Variants in ARHGAP6 observed in about 807,000 individuals in gnomAD.
ARHGAP6 encodes the protein rho GTPase-activating protein 6.
Under a neutral mutation model 55.7 loss-of-function variants are expected in ARHGAP6, and 16 were observed. The observed-to-expected ratio is 0.29, with a 90% CI of 0.19 to 0.44. The LOEUF (loss-of-function observed/expected upper bound fraction) is 0.44, where lower values mean the gene tolerates loss of function less well. Ranked by LOEUF, ARHGAP6 falls within the 20% of genes least tolerant of loss-of-function variation. The pLI is 1.00. For missense variants in ARHGAP6, 698 were observed against 808.9 expected (o/e 0.86, Z 1.66); for synonymous variants, 382 against 360.9 (o/e 1.06, Z -0.66).
intron 5 of ARHGAP6, among the ~76,000 whole-genome samples, chrX:11,182,614 CTTTCTTTTTTTTCCTTT>C (rs1351106249): frequency 1.1e-4 from 11 of 101,727 alleles, no homozygotes; most frequent in Admixed American, 4.2e-4. Context: ...TCTTTTCTTT[CTTTCTTTTTTTTCCTTT>C]TTTCTTTTTT....
intron 2 of ARHGAP6, among the ~76,000 whole-genome samples, chrX:11,241,558 G>A (rs1194367640): frequency 9.6e-6 from 1 of 104,339 alleles, no homozygotes; most frequent in Non-Finnish European, 2.0e-5. Flanking sequence ...GTGTGTGTGT[G>A]TGTGTGTGTG....
intron 1 of ARHGAP6, among the ~76,000 whole-genome samples, chrX:11,569,364 G>A (rs1039504044): frequency 9.0e-6 from 1 of 111,537 alleles, no homozygotes; most frequent in Admixed American, 9.5e-5. Context: ...GATGCTAAAA[G>A]GTTAACATGG....
intron 10 of ARHGAP6, chrX:11,148,501 GC>G: frequency 4.6e-6 from 1 of 217,489 alleles, no homozygotes. Flanking sequence ...ACATGGGTTT[GC>G]CTCCATGCAT....
chrX:11,187,530 A>G (rs758971918), intron 4 of ARHGAP6, among the ~76,000 whole-genome samples: 5 of 112,423 alleles, frequency 4.4e-5, no homozygotes, highest in Non-Finnish European at 9.4e-5. Flanking sequence ...CCATCATGCA[A>G]CTTCAGGAAT....
intron 1 of ARHGAP6, among the ~76,000 whole-genome samples, chrX:11,365,469 A>G (rs1372791000): frequency 8.9e-6 from 1 of 112,569 alleles, no homozygotes; most frequent in Non-Finnish European, 1.9e-5. Flanking sequence ...TAAAAATTCT[A>G]GAGACATAGA....
intron 1 of ARHGAP6, among the ~76,000 whole-genome samples, chrX:11,443,955 A>C (rs1170987275): frequency 1.2e-5 from 1 of 83,853 alleles, no homozygotes; most frequent in African/African-American, 5.0e-5. Context: ...AAAGAAAACC[A>C]AAAAAAAAAA....
intron 1 of ARHGAP6, among the ~76,000 whole-genome samples, chrX:11,391,152 A>G (rs181804284): frequency 2.5e-4 from 28 of 112,002 alleles, no homozygotes; most frequent in African/African-American, 8.8e-4. Flanking sequence ...CGATGAGTTC[A>G]TGTCCTTTGT....
At chrX:11,310,566 C>T (rs979180988) in intron 1 of ARHGAP6, among the ~76,000 whole-genome samples, 1 of 111,941 alleles carries the variant, frequency 8.9e-6, no homozygotes, top group Non-Finnish European at 1.9e-5. Flanking sequence ...GGACATTATA[C>T]TGAGTGAAAA....
intron 2 of ARHGAP6, among the ~76,000 whole-genome samples, chrX:11,215,832 G>A (rs747742545): frequency 1.8e-5 from 2 of 112,566 alleles, no homozygotes; most frequent in South Asian, 3.7e-4. Flanking sequence ...CAGTCAGCCC[G>A]AGGCCCCCAG....
intron 1 of ARHGAP6, among the ~76,000 whole-genome samples, chrX:11,327,356 AC>A (rs1420647819): frequency 8.9e-6 from 1 of 112,785 alleles, no homozygotes; most frequent in Non-Finnish European, 1.9e-5. Context: ...ATAATACAAA[AC>A]AAAACATATT....
At chrX:11,265,584 G>T in intron 1 of ARHGAP6, 1 of 626,396 alleles carries the variant, frequency 1.6e-6, no homozygotes, top group Non-Finnish European at 2.0e-6. Flanking sequence ...GATCATTCCA[G>T]TTTTCTTCCT....
intron 6 of ARHGAP6, 86 bp from the exon 7 acceptor site, chrX:11,179,538 G>A (rs1350001269): frequency 2.8e-6 from 3 of 1,082,879 alleles, no homozygotes; most frequent in Non-Finnish European, 3.7e-6. Flanking sequence ...GTGACACGTA[G>A]CATCTGGAAT....
chrX:11,215,787 T>G (rs1373569876), intron 2 of ARHGAP6, among the ~76,000 whole-genome samples: 1 of 112,446 alleles, frequency 8.9e-6, no homozygotes, highest in Non-Finnish European at 1.9e-5. Flanking sequence ...GGACGGTTTG[T>G]CTGCTCTCTG....
intron 3 of ARHGAP6, among the ~76,000 whole-genome samples, chrX:11,196,029 G>A (rs1203870428): frequency 9.5e-6 from 1 of 105,548 alleles, no homozygotes; most frequent in South Asian, 4.4e-4. Flanking sequence ...AGCTACTCGG[G>A]AGGCTGAGGC....
intron 1 of ARHGAP6, among the ~76,000 whole-genome samples, chrX:11,435,679 G>A (rs963504561): frequency 1.9e-4 from 21 of 111,907 alleles, no homozygotes; most frequent in Non-Finnish European, 2.4e-4. Context: ...CATAAAGGCC[G>A]GGTGATTTGT....
chrX:11,496,644 A>G (rs940572056), intron 1 of ARHGAP6, among the ~76,000 whole-genome samples: 4 of 112,171 alleles, frequency 3.6e-5, no homozygotes, highest in Non-Finnish European at 5.6e-5. Context: ...CATTTTCTAC[A>G]TTTGTGTTAT....
intron 1 of ARHGAP6, among the ~76,000 whole-genome samples, chrX:11,436,081 C>T (rs763341212): frequency 6.2e-5 from 7 of 112,455 alleles, no homozygotes; most frequent in South Asian, 7.4e-4. Flanking sequence ...CTACACAAAT[C>T]ATTAGTCCTC....
At chrX:11,579,536 C>T (rs1198557012) in intron 1 of ARHGAP6, among the ~76,000 whole-genome samples, 1 of 112,052 alleles carries the variant, frequency 8.9e-6, no homozygotes, top group African/African-American at 3.2e-5. Flanking sequence ...GAAATAACAT[C>T]TTGATTAACT....
chrX:11,465,506 G>A (rs1056311381), intron 1 of ARHGAP6, among the ~76,000 whole-genome samples: 16 of 111,856 alleles, frequency 1.4e-4, no homozygotes, highest in African/African-American at 3.6e-4. Flanking sequence ...ATCCCAAATC[G>A]TATTTCAACA....
Sources: gnomAD v4.1 joint callset for allele counts (sites outside exome capture counted in the v4.1 genomes callset) on GRCh38, gnomAD v4.1.1 for gene constraint, MANE v1.5 for transcripts, NCBI Gene and HGNC (gene_info 2026-07-23, HGNC 2026-07-21) for gene names.